The following SPATS2L variants were observed in gnomAD, a reference collection of about 807,000 sequenced individuals.
The protein encoded by SPATS2L is SPATS2-like protein.
A neutral mutation model predicts 59.6 loss-of-function variants in SPATS2L; 30 were observed. That is an observed-to-expected ratio of 0.50 (90% CI 0.38 to 0.68). The LOEUF (loss-of-function observed/expected upper bound fraction) is 0.68. SPATS2L is among the 30% of genes least tolerant of loss of function. The pLI, the probability that SPATS2L is intolerant of heterozygous loss-of-function variation, is 0.00. For synonymous variants in SPATS2L, 252 were observed against 263.5 expected (o/e 0.96, Z 0.42); for missense variants, 615 against 700.0 (o/e 0.88, Z 1.37).
At chr2:200,311,817 A>G (rs2079200351) in intron 1 of SPATS2L, among the ~76,000 whole-genome samples, 1 of 152,210 alleles carries the variant, frequency 6.6e-6, no homozygotes, top group Non-Finnish European at 1.5e-5. Context: ...AGAGCTCAGA[A>G]GGGAAAAAAA....
chr2:200,340,298 C>T (rs1029513018), intron 2 of SPATS2L, among the ~76,000 whole-genome samples: 1 of 152,114 alleles, frequency 6.6e-6, no homozygotes, highest in African/African-American at 2.4e-5. Flanking sequence ...TGTAGTTATT[C>T]TGGCCACCAG....
chr2:200,395,994 G>C (rs2082316779), intron 3 of SPATS2L, among the ~76,000 whole-genome samples: 1 of 97,172 alleles, frequency 1.0e-5, no homozygotes, highest in Non-Finnish European at 1.9e-5. Context: ...CTGGGCAAAA[G>C]AGTGAGACTC....
intron 2 of SPATS2L, among the ~76,000 whole-genome samples, chr2:200,333,427 T>C (rs1036256407): frequency 4.6e-5 from 7 of 151,846 alleles, no homozygotes; most frequent in Non-Finnish European, 1.5e-5. Flanking sequence ...GTTTGTTACA[T>C]GTGTAGAATA....
At chr2:200,367,489 A>T (rs183267680) in intron 2 of SPATS2L, among the ~76,000 whole-genome samples, 1 of 152,308 alleles carries the variant, frequency 6.6e-6, no homozygotes, top group Non-Finnish European at 1.5e-5. Flanking sequence ...TGATCTGATG[A>T]CTCAAAATCT....
At chr2:200,409,500 A>G (rs1038030912) in intron 3 of SPATS2L, among the ~76,000 whole-genome samples, 7 of 152,210 alleles carry the variant, frequency 4.6e-5, no homozygotes, top group Admixed American at 4.6e-4. Context: ...AGACATTTCC[A>G]TAGGAAAATA....
At chr2:200,459,207 T>C (rs552183675) in intron 8 of SPATS2L, among the ~76,000 whole-genome samples, 14 of 152,316 alleles carry the variant, frequency 9.2e-5, no homozygotes, top group Non-Finnish European at 1.6e-4. Context: ...AAAAGTTCAT[T>C]AGAACCTTGA....
intron 7 of SPATS2L, 123 bp downstream of exon 7, chr2:200,439,451 T>C (rs745689093): frequency 5.2e-6 from 4 of 775,624 alleles, no homozygotes; most frequent in Non-Finnish European, 6.3e-6. Context: ...AATTGCATTT[T>C]TTTTTCTGTG....
chr2:200,357,302 T>C (rs975972331), intron 2 of SPATS2L, among the ~76,000 whole-genome samples: 2 of 152,216 alleles, frequency 1.3e-5, no homozygotes, highest in Non-Finnish European at 2.9e-5. Context: ...TGTAGAATTA[T>C]GCTTTAGGCT....
intron 3 of SPATS2L, among the ~76,000 whole-genome samples, chr2:200,404,076 T>G (rs1439294096): frequency 2.0e-5 from 3 of 152,242 alleles, no homozygotes; most frequent in Non-Finnish European, 4.4e-5. Context: ...GACGTTTCTC[T>G]TATTTCCAGT....
At chr2:200,314,837 TA>T (rs200101944) in intron 1 of SPATS2L, among the ~76,000 whole-genome samples, 4,370 of 152,224 alleles carry the variant, frequency 0.029, 72 homozygotes, top group Middle Eastern at 0.071. Flanking sequence ...TGAGACTATA[TA>T]AAAAAATGTA....
At chr2:200,413,345 G>A (rs1242566990) in intron 4 of SPATS2L, among the ~76,000 whole-genome samples, 1 of 151,984 alleles carries the variant, frequency 6.6e-6, no homozygotes, top group Admixed American at 6.6e-5. Flanking sequence ...TGTTGTTTAG[G>A]TAGTCCATTG....
At chr2:200,457,251 C>G (rs2106177986) in intron 8 of SPATS2L, among the ~76,000 whole-genome samples, 1 of 151,942 alleles carries the variant, frequency 6.6e-6, no homozygotes, top group East Asian at 1.9e-4. Flanking sequence ...CACACACACA[C>G]ACACACACAG....
chr2:200,461,490 C>T (rs1411220564), intron 9 of SPATS2L, among the ~76,000 whole-genome samples: 2 of 152,168 alleles, frequency 1.3e-5, no homozygotes, highest in Non-Finnish European at 2.9e-5. Flanking sequence ...TTGTCAGATT[C>T]AACATCAAAC....
At position 200,439,279 on chromosome 2, in the gene SPATS2L, C is replaced by T. The variant is rs1049945763; in HGVS notation, c.603C>T (p.Thr201=). ...AAACATCTCCTGTTAAGTCCAATACCCCTGCAGCTCATCTTGAAATAAAGC... is the reference window on the plus strand; with the variant it reads ...AAACATCTCCTGTTAAGTCCAATACTCCTGCAGCTCATCTTGAAATAAAGC... ...KAKTSPVKSN[T]PAAHLEIKPD... The change falls in exon 7 of 13, where the codon ACC becomes ACT. Residue 201 remains threonine (T), a synonymous_variant. Coordinates refer to ENST00000409140, the MANE Select transcript of SPATS2L (RefSeq NM_001100423.2). 17 of 1,613,534 alleles carry T rather than the reference C, an allele frequency of 1.1e-5. No individual in the cohort carries two copies. The highest frequency in any genetic ancestry group is 1.4e-5 in the Non-Finnish European group (16 of 1,179,700).
chr2:200,367,059 A>G (rs1297139965), intron 2 of SPATS2L, among the ~76,000 whole-genome samples: 2 of 152,214 alleles, frequency 1.3e-5, no homozygotes, highest in Non-Finnish European at 1.5e-5. Flanking sequence ...ACCTTACTGC[A>G]AAGTCGTAAT....
intron 2 of SPATS2L, among the ~76,000 whole-genome samples, chr2:200,361,294 A>G (rs972840826): frequency 1.8e-4 from 27 of 152,154 alleles, no homozygotes; most frequent in Non-Finnish European, 4.4e-5. Context: ...GAGAGAAGAA[A>G]AAGGAGAAAG....
chr2:200,434,007 C>T (rs550192387), intron 6 of SPATS2L, among the ~76,000 whole-genome samples: 1 of 151,968 alleles, frequency 6.6e-6, no homozygotes, highest in Admixed American at 6.6e-5. Context: ...AATTACAGAA[C>T]AATATTGTTA....
At chr2:200,351,154 C>T (rs1354564067) in intron 2 of SPATS2L, 1 of 450,688 alleles carries the variant, frequency 2.2e-6, no homozygotes, top group Non-Finnish European at 4.6e-6. Context: ...GGGTGGAAAG[C>T]AGTGCGAACT....
chr2:200,440,426 T>G (rs73986900), intron 7 of SPATS2L, among the ~76,000 whole-genome samples: 3,685 of 152,248 alleles, frequency 0.024, 155 homozygotes, highest in African/African-American at 0.084. Flanking sequence ...GAGACAAGCG[T>G]ACCCCAGATG....
Sources: gnomAD v4.1 joint callset for allele counts (sites outside exome capture counted in the v4.1 genomes callset) on GRCh38, gnomAD v4.1.1 for gene constraint, MANE v1.5 for transcripts, NCBI Gene and HGNC (gene_info 2026-07-23, HGNC 2026-07-21) for gene names.